Variants in NFIA observed in about 807,000 individuals in gnomAD.
NFIA encodes the protein nuclear factor I A, also known as nuclear factor 1 A-type.
In NFIA, 8 loss-of-function variants were observed where a neutral mutation model predicts 62.8. The observed-to-expected ratio is 0.13, with a 90% confidence interval of 0.07 to 0.23. The LOEUF is 0.23. Among genes scored for constraint, NFIA ranks in the 10% least tolerant of loss-of-function variants. The pLI, the probability that NFIA is intolerant of heterozygous loss-of-function variation, is 1.00. For synonymous variants in NFIA, 235 were observed against 238.1 expected, an observed-to-expected ratio of 0.99 and a Z score of 0.12; for missense variants, 410 against 642.1, an observed-to-expected ratio of 0.64 and a Z score of 3.91.
chr1:61,126,465 C>T (rs1646972036), intron 2 of NFIA, among the ~76,000 whole-genome samples: 1 of 151,456 alleles, frequency 6.6e-6, no homozygotes, highest in South Asian at 2.1e-4. Flanking sequence ...CACACACACA[C>T]ACACACACAC....
At chr1:61,391,280 C>G (rs1664963652) in intron 7 of NFIA, among the ~76,000 whole-genome samples, 1 of 151,932 alleles carries the variant, frequency 6.6e-6, no homozygotes, top group Non-Finnish European at 1.5e-5. Flanking sequence ...CTAGGCTGGT[C>G]TCGAACTCCT....
At chr1:61,407,291 G>A (rs1202115272) in intron 9 of NFIA, among the ~76,000 whole-genome samples, 1 of 152,172 alleles carries the variant, frequency 6.6e-6, no homozygotes, top group Non-Finnish European at 1.5e-5. Context: ...AGAGGTTGGG[G>A]TAGGGGCTGG....
At chr1:61,418,206 G>A (rs890434500) in intron 9 of NFIA, among the ~76,000 whole-genome samples, 1 of 152,196 alleles carries the variant, frequency 6.6e-6, no homozygotes, top group Non-Finnish European at 1.5e-5. Context: ...GCACACACCT[G>A]TAATCCCAGC....
chr1:61,405,820 A>G (rs1366811422), intron 8 of NFIA, among the ~76,000 whole-genome samples: 1 of 152,198 alleles, frequency 6.6e-6, no homozygotes, highest in Non-Finnish European at 1.5e-5. Flanking sequence ...ATTTTTTGTT[A>G]AAGAGCTGTT....
chr1:61,083,024 G>T (rs1213124141), intron 1 of NFIA, among the ~76,000 whole-genome samples: 1 of 152,050 alleles, frequency 6.6e-6, no homozygotes, highest in African/African-American at 2.4e-5. Context: ...AAGTAACTTT[G>T]TTTCCATGCG....
chr1:61,446,886 A>G (rs1229465805), intron 10 of NFIA, among the ~76,000 whole-genome samples: 2 of 152,114 alleles, frequency 1.3e-5, no homozygotes, highest in Non-Finnish European at 2.9e-5. Context: ...GATTATTACA[A>G]TGTGGCCACG....
chr1:61,252,475 G>C (rs777376466), intron 2 of NFIA, among the ~76,000 whole-genome samples: 2 of 152,206 alleles, frequency 1.3e-5, no homozygotes, highest in African/African-American at 4.8e-5. Context: ...GCCTTGGAAA[G>C]AATCAGTAAA....
At chr1:61,386,878 G>A (rs1052837087) in intron 7 of NFIA, among the ~76,000 whole-genome samples, 1 of 152,184 alleles carries the variant, frequency 6.6e-6, no homozygotes, top group Non-Finnish European at 1.5e-5. Flanking sequence ...GGAAGTCCAA[G>A]ATTAAGGCTC....
intron 2 of NFIA, among the ~76,000 whole-genome samples, chr1:61,155,165 T>C (rs1648700013): frequency 6.6e-6 from 1 of 152,222 alleles, no homozygotes; most frequent in Non-Finnish European, 1.5e-5. Flanking sequence ...ACAATGAATA[T>C]TCATGATCAT....
intron 6 of NFIA, among the ~76,000 whole-genome samples, chr1:61,373,201 T>C (rs770405330): frequency 1.3e-5 from 2 of 151,982 alleles, no homozygotes; most frequent in Non-Finnish European, 2.9e-5. Context: ...AAGTAACAGG[T>C]GGAGGTCAAA....
In NFIA at chr1:61,361,892, T is replaced by C. The variant is rs192810870; in HGVS notation, c.946+2618T>C. Among the ~76,000 whole-genome samples, 389 of 151,970 alleles carry C rather than the reference T, an allele frequency of 2.6e-3. 3 individuals are homozygous for C. Among genetic ancestry groups the C allele is most frequent in the African/African-American group, 9.0e-3 (374 of 41,470 alleles). On this transcript the variant is annotated intron_variant, in intron 6 of 10. Transcript: ENST00000403491. ...ATTCCTGGACTGACTCTCCATTCTC[T>C]ATCCCCATTTCATTACAGAAAAATG...
chr1:61,324,518 A>AGTT (rs1660832083), intron 3 of NFIA, among the ~76,000 whole-genome samples: 1 of 152,180 alleles, frequency 6.6e-6, no homozygotes, highest in Non-Finnish European at 1.5e-5. Context: ...AGAAAACAAA[A>AGTT]ATACCATCTT....
chr1:61,081,364 A>T (rs542366327), upstream of NFIA, among the ~76,000 whole-genome samples: 17 of 152,254 alleles, frequency 1.1e-4, no homozygotes, highest in South Asian at 3.5e-3. Flanking sequence ...AAATAATTGC[A>T]GGAAGCTCTT....
chr1:61,359,387 T>C, intron 6 of NFIA, 113 bp downstream of exon 6: 1 of 1,456,324 alleles, frequency 6.9e-7, no homozygotes, highest in Admixed American at 2.1e-5. Flanking sequence ...AGTTCACTTT[T>C]TCAGGATGAG....
intron 2 of NFIA, among the ~76,000 whole-genome samples, chr1:61,129,882 T>C (rs943913657): frequency 3.9e-5 from 6 of 152,162 alleles, no homozygotes; most frequent in Non-Finnish European, 8.8e-5. Flanking sequence ...TGGGGAGACA[T>C]TCCTACTCCT....
intron 3 of NFIA, among the ~76,000 whole-genome samples, chr1:61,308,468 G>T (rs981001682): frequency 3.9e-5 from 6 of 152,184 alleles, no homozygotes; most frequent in Admixed American, 3.9e-4. Flanking sequence ...TCCCTCTCAG[G>T]TGTGTATAAT....
chr1:61,093,550 G>A (rs1286815723), intron 2 of NFIA, among the ~76,000 whole-genome samples: 1 of 152,144 alleles, frequency 6.6e-6, no homozygotes, highest in Non-Finnish European at 1.5e-5. Context: ...AGCAGTAGCA[G>A]TCAACAAATT....
At chr1:61,229,123 CAG>C (rs1654510972) in intron 2 of NFIA, among the ~76,000 whole-genome samples, 1 of 147,422 alleles carries the variant, frequency 6.8e-6, no homozygotes, top group Non-Finnish European at 1.5e-5. Context: ...TGAATGGAGT[CAG>C]GGTAAAAGAA....
intron 10 of NFIA, among the ~76,000 whole-genome samples, chr1:61,429,667 A>C (rs763925523): frequency 5.9e-5 from 9 of 152,248 alleles, no homozygotes; most frequent in Non-Finnish European, 1.2e-4. Context: ...AAGCAACCCA[A>C]GTGTCCATTG....
Sources: gnomAD v4.1 joint callset for allele counts (sites outside exome capture counted in the v4.1 genomes callset) on GRCh38, gnomAD v4.1.1 for gene constraint, MANE v1.5 for transcripts, NCBI Gene and HGNC (gene_info 2026-07-23, HGNC 2026-07-21) for gene names.